Variants in CTNNA2 observed in about 807,000 individuals in gnomAD.
The protein encoded by CTNNA2 is catenin alpha 2.
A neutral mutation model predicts 101.0 loss-of-function variants in CTNNA2; 42 were observed. The ratio of observed to expected loss-of-function variants is 0.42; its 90% CI spans 0.32 to 0.54. The LOEUF is 0.54. Among genes scored for constraint, CTNNA2 ranks in the 20% least tolerant of loss-of-function variants. The pLI is 0.14. For missense variants in CTNNA2, 871 were observed against 1,223.1 expected (o/e 0.71, Z 4.29); for synonymous variants, 450 against 456.4 (o/e 0.99, Z 0.18).
chr2:80,542,312 T>C (rs1236547907), intron 9 of CTNNA2, among the ~76,000 whole-genome samples: 1 of 152,130 alleles, frequency 6.6e-6, no homozygotes, highest in South Asian at 2.1e-4. Flanking sequence ...CTATGTCTTT[T>C]TTCCAGCAGT....
rs1678986409 is a variant in CTNNA2, at chr2:80,405,669, A to G, written c.1137+12378A>G. Among the ~76,000 whole-genome samples the G allele has an allele frequency of 2.0e-5, 3 of 152,264 alleles. No individual in the cohort carries two copies. In the South Asian group the frequency reaches 6.2e-4, roughly 32 times the overall value. On this transcript the variant is annotated intron_variant, in intron 8 of 18. Transcript: ENST00000402739. ...TAAGGGAAAAAACTTAAGGACTTTC[A>G]TTTTAGCTGGGGGAATATCTGATTA...
At chr2:79,771,521 A>G (rs542509355) in intron 3 of CTNNA2, among the ~76,000 whole-genome samples, 9 of 152,314 alleles carry the variant, frequency 5.9e-5, no homozygotes, top group Admixed American at 5.2e-4. Flanking sequence ...TTTTCCTGCA[A>G]CTGGATGGCC....
intron 4 of CTNNA2, among the ~76,000 whole-genome samples, chr2:79,440,626 A>G (rs182589126): frequency 6.6e-6 from 1 of 152,274 alleles, no homozygotes; most frequent in East Asian, 1.9e-4. Context: ...AGCCATCCAT[A>G]TACCTAAGTG....
chr2:80,621,731 G>A (rs1257263616), intron 18 of CTNNA2, among the ~76,000 whole-genome samples: 1 of 151,182 alleles, frequency 6.6e-6, no homozygotes, highest in African/African-American at 2.4e-5. Flanking sequence ...GTAGGGAATT[G>A]GTGAGTATGG....
At chr2:79,935,849 T>C (rs1222762120) in intron 7 of CTNNA2, among the ~76,000 whole-genome samples, 4 of 152,230 alleles carry the variant, frequency 2.6e-5, no homozygotes, top group Non-Finnish European at 5.9e-5. Context: ...AGTGGCATTT[T>C]TTTCCCTTTT....
chr2:79,579,089 C>T (rs1020961844), intron 1 of CTNNA2, among the ~76,000 whole-genome samples: 6 of 150,882 alleles, frequency 4.0e-5, no homozygotes, highest in Admixed American at 1.3e-4. Flanking sequence ...CTCTTTCTTT[C>T]CTTCCTCCCT....
In CTNNA2 at chr2:80,562,193, C is replaced by A. The variant is rs148684852; in HGVS notation, c.1741+6300C>A. Among the ~76,000 whole-genome samples the A allele has an allele frequency of 1.5e-3, 214 of 141,458 alleles. 1 individual carries two copies. The highest frequency in any genetic ancestry group is 5.1e-3 in the African/African-American group (207 of 40,580). The allele number at this position is 141,458 out of a possible 152,430, so 92.8% of individuals were successfully genotyped here. ...TTTCATTCAGACAGGGTTGACCATG[C>A]AGAAACATGAAAATATTTCCTATAC... On this transcript the variant is annotated intron_variant, in intron 12 of 18. Transcript: ENST00000402739.
intron 7 of CTNNA2, among the ~76,000 whole-genome samples, chr2:80,056,199 A>G (rs1342459404): frequency 6.6e-6 from 1 of 152,056 alleles, no homozygotes; most frequent in African/African-American, 2.4e-5. Flanking sequence ...TTGCTGGCGG[A>G]AAGAGAAAAA....
intron 3 of CTNNA2, among the ~76,000 whole-genome samples, chr2:79,836,571 TC>T (rs1490704787): frequency 6.6e-6 from 1 of 152,142 alleles, no homozygotes; most frequent in African/African-American, 2.4e-5. Context: ...AGGCTAGAAG[TC>T]CAAAATCAAG....
chr2:80,406,844 A>AAAAAAT, intron 8 of CTNNA2, among the ~76,000 whole-genome samples: 1 of 151,604 alleles, frequency 6.6e-6, no homozygotes, highest in Admixed American at 6.6e-5. Flanking sequence ...AAAAAAAAAA[A>AAAAAAT]AAAAGAAAAG....
chr2:79,942,187 C>T (rs1688206311), intron 7 of CTNNA2, among the ~76,000 whole-genome samples: 3 of 152,104 alleles, frequency 2.0e-5, no homozygotes, highest in Admixed American at 6.5e-5. Context: ...ACTATCTTGC[C>T]CAGGACCTTG....
chr2:80,183,058 C>G (rs145137274), intron 7 of CTNNA2, among the ~76,000 whole-genome samples: 1 of 152,138 alleles, frequency 6.6e-6, no homozygotes, highest in Non-Finnish European at 1.5e-5. Flanking sequence ...ATACTGTTTA[C>G]ATAGAATACA....
intron 7 of CTNNA2, among the ~76,000 whole-genome samples, chr2:80,168,659 T>G (rs994808068): frequency 6.6e-6 from 1 of 152,184 alleles, no homozygotes. Context: ...GTATCCAATC[T>G]TGGTTGCACA....
intron 1 of CTNNA2, among the ~76,000 whole-genome samples, chr2:79,604,991 G>C (rs1313558598): frequency 6.6e-6 from 1 of 152,074 alleles, no homozygotes. Context: ...CAAATTACCA[G>C]GTAAGCAAAG....
intron 7 of CTNNA2, among the ~76,000 whole-genome samples, chr2:80,376,939 C>A (rs2149342507): frequency 6.6e-6 from 1 of 152,264 alleles, no homozygotes; most frequent in African/African-American, 2.4e-5. Flanking sequence ...ATTTCATTAC[C>A]CATGCAGAGG....
intron 9 of CTNNA2, among the ~76,000 whole-genome samples, chr2:80,541,228 T>C (rs774777143): frequency 3.3e-5 from 5 of 152,154 alleles, no homozygotes; most frequent in Non-Finnish European, 7.3e-5. Flanking sequence ...ATCCTTAGCA[T>C]CATATTGGAA....
intron 3 of CTNNA2, among the ~76,000 whole-genome samples, chr2:79,355,378 T>A (rs2104442236): frequency 6.6e-6 from 1 of 152,328 alleles, no homozygotes; most frequent in East Asian, 1.9e-4. Context: ...TTTTTCCATT[T>A]GTTTGTGTCA....
At chr2:80,563,847 A>G (rs1292467482) in intron 12 of CTNNA2, among the ~76,000 whole-genome samples, 1 of 152,106 alleles carries the variant, frequency 6.6e-6, no homozygotes, top group African/African-American at 2.4e-5. Flanking sequence ...CAAGTATTTC[A>G]TACTCCTTGT....
At chr2:79,262,716 C>A (rs1168368593) in intron 2 of CTNNA2, among the ~76,000 whole-genome samples, 2 of 152,164 alleles carry the variant, frequency 1.3e-5, no homozygotes, top group Non-Finnish European at 2.9e-5. Flanking sequence ...CTGGGTTTAA[C>A]AAGCCCTCCA....
Sources: allele counts gnomAD v4.1 joint callset (sites outside exome capture counted in the v4.1 genomes callset), GRCh38; gene constraint gnomAD v4.1.1; transcripts MANE v1.5; gene names NCBI Gene and HGNC (gene_info 2026-07-23, HGNC 2026-07-21).